RELB: variants seen among roughly 807,000 people sequenced by gnomAD.
RELB encodes RELB proto-oncogene, NF-kB subunit.
RELB carries 14 observed loss-of-function variants against 55.4 expected under a neutral mutation model. The ratio of observed to expected loss-of-function variants is 0.25; its 90% CI spans 0.17 to 0.40. RELB has a LOEUF of 0.40. Ranked by LOEUF, RELB falls within the 10% of genes least tolerant of loss-of-function variation. The pLI is 1.00. For synonymous variants in RELB, 409 were observed against 371.3 expected, an observed-to-expected ratio of 1.10 and a Z score of -1.17; for missense variants, 669 against 830.7, an observed-to-expected ratio of 0.81 and a Z score of 2.39.
chr19:45,011,872 CT>C (rs368731996), intron 3 of RELB, 63 bp from the exon 4 acceptor site: 156,121 of 754,386 alleles, frequency 0.21, 566 homozygotes, highest in East Asian at 0.28. Context: ...GTAATCAAGC[CT>C]TTTTTTTTTT....
chr19:45,004,263 C>T (rs1454828283), intron 2 of RELB, among the ~76,000 whole-genome samples: 2 of 140,760 alleles, frequency 1.4e-5, no homozygotes, highest in East Asian at 2.1e-4. Context: ...ATTCCTGTTG[C>T]CCAGGCTGGA....
At chr19:45,002,854 G>A (rs945185420) in intron 1 of RELB, 95 bp from the exon 2 acceptor site, 4 of 1,019,488 alleles carry the variant, frequency 3.9e-6, no homozygotes, top group Non-Finnish European at 4.5e-6. Context: ...CAGAGGGGAA[G>A]GGCTAGAAGA....
At position 45,028,760 on chromosome 19, in the gene RELB, C is replaced by A. The variant is rs1448249678; in HGVS notation, c.887-128C>A. ...CTATGGGTTCCATGAGGATCAGATG[C>A]CCTGCCTTTTCAATTCCCTACGTCT... On this transcript the variant is annotated intron_variant, in intron 7 of 11. Coordinates refer to ENST00000221452, the MANE Select transcript of RELB (RefSeq NM_006509.4). The A allele has an allele frequency of 9.0e-6, 6 of 667,228 alleles. No homozygotes were observed. The African/African-American group carries it at 9.1e-5, about 10-fold the overall frequency. The allele number at this position is 667,228 out of a possible 1,614,324, so 41.3% of individuals were successfully genotyped here.
chr19:45,009,723 G>A (rs1185375900), intron 2 of RELB, 91 bp from the exon 3 acceptor site: 3 of 1,462,536 alleles, frequency 2.1e-6, no homozygotes, highest in Non-Finnish European at 2.8e-6. Flanking sequence ...TCACAGGAGG[G>A]ACAGGGTTGG....
chr19:45,032,641 G>A lies in RELB; in HGVS notation c.1099G>A (p.Glu367Lys). The change falls in exon 9 of 12, where the codon GAG (glutamate) becomes AAG (lysine). Residue 367 changes from glutamate (E) to lysine (K), a missense_variant. Physicochemically the swap from Glu to Lys is moderately conservative, Grantham distance 56. Around this residue, in one of 3 missense-constraint regions of RELB, gnomAD observed 341 missense variants for 436.8 expected, o/e 0.78. Coordinates refer to ENST00000221452, the MANE Select transcript of RELB (RefSeq NM_006509.4). ...IAIVFKTPPY[E>K]DLEIVEPVTV... ...CATTGTGTTCAAGACGCCGCCCTAC[G>A]AGGACCTGGAGATTGTCGAGCCCGT... The A allele has an allele frequency of 1.2e-6, 2 of 1,612,880 alleles. No individual in the cohort carries two copies. Among genetic ancestry groups the A allele is most frequent in the Non-Finnish European group, 8.5e-7 (1 of 1,179,508 alleles).
intron 1 of RELB, among the ~76,000 whole-genome samples, chr19:45,002,461 T>A (rs1253784086): frequency 6.6e-6 from 1 of 152,192 alleles, no homozygotes; most frequent in East Asian, 1.9e-4. Flanking sequence ...CAAGCAGTTC[T>A]CCTGCCTCAG....
chr19:45,023,183 A>G (rs1971510534), intron 5 of RELB, among the ~76,000 whole-genome samples: 1 of 152,126 alleles, frequency 6.6e-6, no homozygotes. Context: ...TGGCATAGTA[A>G]CTGGCACATA....
At position 45,034,224 on chromosome 19, in the gene RELB, C is replaced by T. The variant is rs1422959815; in HGVS notation, c.1208-20C>T. ...TATTGATGAATTACTTCTTGTGTGT[C>T]CCTGGTATCTCCTTAACAGACAGCT... On this transcript the variant is annotated intron_variant, in intron 9 of 11. Coordinates refer to ENST00000221452, the MANE Select transcript of RELB (RefSeq NM_006509.4). The T allele has an allele frequency of 1.9e-6, 3 of 1,591,928 alleles. No homozygotes were observed. Among genetic ancestry groups the T allele is most frequent in the Non-Finnish European group, 2.6e-6 (3 of 1,160,522 alleles).
intron 2 of RELB, among the ~76,000 whole-genome samples, chr19:45,004,226 G>A (rs923444140): frequency 1.4e-5 from 2 of 146,508 alleles, no homozygotes; most frequent in African/African-American, 5.1e-5. Flanking sequence ...CCAGACAGTG[G>A]TTCTTTTTTT....
At chr19:45,028,849 A>AT (rs1450801091) in intron 7 of RELB, 39 bp from the exon 8 acceptor site, 60 of 1,523,484 alleles carry the variant, frequency 3.9e-5, no homozygotes, top group South Asian at 4.8e-5. Context: ...AATTCTCGGG[A>AT]TTTTTTTTAA....
rs374301432 is a variant in RELB, at chr19:45,012,260, C to T, written c.488C>T (p.Thr163Met). The change falls in exon 4 of 12, where the codon ACG becomes ATG. Residue 163 changes from threonine to methionine, a missense_variant. Physicochemically the swap from Thr to Met is moderately conservative, Grantham distance 81. Transcript: ENST00000221452. ...GAGAGCAGCACCGAGGCCAGCAAGA[C>T]GCTGCCCGCCATCGAGGTGGGCCCG... ...LGESSTEASK[T>M]LPAIELRDCG... 3 of 1,418,564 alleles carry T rather than the reference C, an allele frequency of 2.1e-6. No individual in the cohort carries two copies. Among genetic ancestry groups the T allele is most frequent in the Admixed American group, 3.0e-5 (1 of 33,736 alleles). The allele number at this position is 1,418,564 out of a possible 1,614,324, so 87.9% of individuals were successfully genotyped here.
intron 9 of RELB, among the ~76,000 whole-genome samples, chr19:45,033,798 C>T (rs866817086): frequency 2.9e-4 from 44 of 151,490 alleles, no homozygotes; most frequent in South Asian, 1.5e-3. Flanking sequence ...CCACTTCAGC[C>T]TCCCAAAGTG....
chr19:45,016,199 G>T (rs1166994900), intron 4 of RELB, among the ~76,000 whole-genome samples: 1 of 151,792 alleles, frequency 6.6e-6, no homozygotes, highest in Non-Finnish European at 1.5e-5. Context: ...TGGCCAGGCT[G>T]GTCTCGAACT....
Position 45,034,547 on chromosome 19 carries a change from T to C in RELB, c.1354+19T>C. Reference sequence around the variant, plus strand: ...GGCTCAGGTGGGTCCCAGCTACACATAAGCCCCTGTCCCCTGGGTGGGCAG... The same window carrying C: ...GGCTCAGGTGGGTCCCAGCTACACACAAGCCCCTGTCCCCTGGGTGGGCAG... On this transcript the variant is annotated intron_variant, in intron 11 of 11. Transcript: ENST00000221452. 1 of 1,578,684 alleles carries C rather than the reference T, an allele frequency of 6.3e-7. No homozygotes were observed. The highest frequency in any genetic ancestry group is 8.6e-7 in the Non-Finnish European group (1 of 1,161,950).
rs1743919460 is a variant in RELB, at chr19:45,037,393, T to G, written c.1355-12T>G. On this transcript the variant is annotated splice_polypyrimidine_tract_variant and intron_variant, in intron 11 of 11. Transcript: ENST00000221452. ...AAATCACACTACACTTCTCTTGTCT[T>G]CATCCCCGTAGGCCCGTTCCTCCCG... The G allele has an allele frequency of 6.5e-7, 1 of 1,540,236 alleles. No individual in the cohort carries two copies. Among genetic ancestry groups the G allele is most frequent in the Non-Finnish European group, 8.7e-7 (1 of 1,152,656 alleles).
At chr19:45,006,629 A>G (rs1412436877) in intron 2 of RELB, among the ~76,000 whole-genome samples, 1 of 152,032 alleles carries the variant, frequency 6.6e-6, no homozygotes, top group East Asian at 1.9e-4. Flanking sequence ...GAGTCAGTGT[A>G]ATGTGAGGTC....
chr19:45,020,672 C>T (rs547739684), intron 4 of RELB, among the ~76,000 whole-genome samples: 1 of 151,398 alleles, frequency 6.6e-6, no homozygotes, highest in East Asian at 2.0e-4. Context: ...ATTCTTCTGC[C>T]TCAGCCTCCC....
intron 4 of RELB, among the ~76,000 whole-genome samples, chr19:45,016,177 G>A: frequency 6.6e-6 from 1 of 151,698 alleles, no homozygotes; most frequent in Admixed American, 6.6e-5. Context: ...TAGAGACGGG[G>A]TTTCACCATG....
intron 4 of RELB, among the ~76,000 whole-genome samples, 157 bp downstream of exon 4, chr19:45,012,433 G>T (rs906678479): frequency 5.3e-5 from 8 of 152,140 alleles, no homozygotes; most frequent in Non-Finnish European, 1.2e-4. Flanking sequence ...AATCCAAAAG[G>T]TTCAGAAAAA....
Sources: gnomAD v4.1 joint callset for allele counts (sites outside exome capture counted in the v4.1 genomes callset) on GRCh38, gnomAD v4.1.1 for gene constraint, gnomAD v4.1.1 regional missense constraint, MANE v1.5 for transcripts, NCBI Gene and HGNC (gene_info 2026-07-23, HGNC 2026-07-21) for gene names.